The following PLXDC2 variants were observed in gnomAD, a reference collection of about 807,000 sequenced individuals.
PLXDC2 encodes plexin domain containing 2, also known as plexin domain-containing protein 2.
A neutral mutation model predicts 68.9 loss-of-function variants in PLXDC2; 40 were observed. The ratio of observed to expected loss-of-function variants is 0.58; its 90% CI spans 0.45 to 0.76. The LOEUF is 0.76. Ranked by LOEUF, PLXDC2 falls within the 30% of genes least tolerant of loss-of-function variation. The pLI is 0.00. For missense variants in PLXDC2, 644 were observed against 661.9 expected, an observed-to-expected ratio of 0.97 and a Z score of 0.30; for synonymous variants, 243 against 234.2, an observed-to-expected ratio of 1.04 and a Z score of -0.34.
chr10:20,217,944 A>G (rs1835162201), intron 11 of PLXDC2, among the ~76,000 whole-genome samples: 1 of 152,182 alleles, frequency 6.6e-6, no homozygotes, highest in Non-Finnish European at 1.5e-5. Flanking sequence ...GGCAAAATGC[A>G]TATAAAATGT....
Position 19,937,548 on chromosome 10 carries a change from A to G in PLXDC2, c.113-64227A>G, listed in dbSNP as rs1395162437. Among the ~76,000 whole-genome samples the G allele has an allele frequency of 2.3e-3, 125 of 53,690 alleles. 1 individual carries two copies. Among genetic ancestry groups the G allele is most frequent in the Non-Finnish European group, 4.1e-3 (109 of 26,610 alleles). The allele number at this position is 53,690 out of a possible 152,430, so 35.2% of individuals were successfully genotyped here. ...ACATATCACATTATAGTCAATGTAT[A>G]TATATATATATATATATATATATAT... On this transcript the variant is annotated intron_variant, in intron 1 of 13. Transcript: ENST00000377252.
intron 1 of PLXDC2, among the ~76,000 whole-genome samples, chr10:19,931,604 A>G (rs917711183): frequency 2.0e-5 from 3 of 152,120 alleles, no homozygotes; most frequent in Non-Finnish European, 2.9e-5. Context: ...CCTTATGTAT[A>G]TTTGATAGAT....
intron 4 of PLXDC2, among the ~76,000 whole-genome samples, chr10:20,072,491 AAG>A (rs375189105): frequency 2.1e-4 from 12 of 56,328 alleles, no homozygotes; most frequent in East Asian, 5.4e-4. Flanking sequence ...CAAAGAAAGA[AAG>A]AGAAAGAAAG....
chr10:19,993,794 A>T (rs1478165715), intron 1 of PLXDC2, among the ~76,000 whole-genome samples: 2 of 152,140 alleles, frequency 1.3e-5, no homozygotes, highest in African/African-American at 4.8e-5. Context: ...TATATTTTTT[A>T]AATTGCCAAA....
At chr10:19,919,021 G>C (rs560894402) in intron 1 of PLXDC2, among the ~76,000 whole-genome samples, 1 of 152,306 alleles carries the variant, frequency 6.6e-6, no homozygotes, top group East Asian at 1.9e-4. Context: ...GGATGGGTCA[G>C]GGCAGATTGT....
chr10:20,156,813 T>A (rs1472930860), intron 6 of PLXDC2, among the ~76,000 whole-genome samples: 1 of 152,232 alleles, frequency 6.6e-6, no homozygotes, highest in Non-Finnish European at 1.5e-5. Context: ...AAATTGTTAC[T>A]GATACCCTGG....
At chr10:20,032,172 C>T (rs187235224) in intron 2 of PLXDC2, among the ~76,000 whole-genome samples, 3 of 152,044 alleles carry the variant, frequency 2.0e-5, no homozygotes, top group East Asian at 1.9e-4. Context: ...AAAAAAGATC[C>T]GATGATGAAC....
intron 9 of PLXDC2, among the ~76,000 whole-genome samples, chr10:20,182,071 T>TGTGTG (rs1554772998): frequency 0.022 from 3,162 of 146,550 alleles, 51 homozygotes; most frequent in South Asian, 0.071. Flanking sequence ...AACCGGTTAT[T>TGTGTG]TGTGTGTGTG....
At position 19,944,150 on chromosome 10, in the gene PLXDC2, G is replaced by A. The variant is rs372690752; in HGVS notation, c.113-57625G>A. On this transcript the variant is annotated intron_variant, in intron 1 of 13. Coordinates refer to ENST00000377252, the MANE Select transcript of PLXDC2 (RefSeq NM_032812.9). ...TTCCGGTAGGTGCAGAATTTCTCGA[G>A]TTTTCTTGCAGTCTGATGGTAGTAA... is the stretch of plus-strand genomic sequence containing the variant. Among the ~76,000 whole-genome samples, 159 of 152,240 alleles carry A rather than the reference G, an allele frequency of 1.0e-3. 1 individual carries two copies. The highest frequency in any genetic ancestry group is 3.7e-3 in the African/African-American group (154 of 41,546).
chr10:20,204,703 TAA>T (rs1834967057), intron 9 of PLXDC2, among the ~76,000 whole-genome samples: 2 of 152,226 alleles, frequency 1.3e-5, no homozygotes, highest in Admixed American at 1.3e-4. Flanking sequence ...TCTGGTTTTA[TAA>T]AGTTTGACTG....
chr10:20,201,791 A>G (rs925995519), intron 9 of PLXDC2, among the ~76,000 whole-genome samples: 1 of 152,126 alleles, frequency 6.6e-6, no homozygotes, highest in East Asian at 1.9e-4. Context: ...AAGGATATTT[A>G]TGGACATGGG....
At chr10:19,879,704 A>C (rs1263540220) in intron 1 of PLXDC2, among the ~76,000 whole-genome samples, 3 of 152,198 alleles carry the variant, frequency 2.0e-5, no homozygotes, top group Non-Finnish European at 4.4e-5. Context: ...GGTGTGTCCT[A>C]TAGGACAAAT....
chr10:19,894,277 CTT>C (rs1251867489), intron 1 of PLXDC2, among the ~76,000 whole-genome samples: 13 of 143,086 alleles, frequency 9.1e-5, no homozygotes, highest in Admixed American at 2.1e-4. Context: ...TGATGTTTTC[CTT>C]TTTTTTTTTT....
At chr10:19,991,608 C>T (rs948478164) in intron 1 of PLXDC2, among the ~76,000 whole-genome samples, 16 of 152,100 alleles carry the variant, frequency 1.1e-4, no homozygotes, top group African/African-American at 3.9e-4. Context: ...TGGCTGTCGT[C>T]TCTGGTCGTT....
At chr10:20,173,480 G>C (rs1056546720) in intron 7 of PLXDC2, among the ~76,000 whole-genome samples, 5 of 152,184 alleles carry the variant, frequency 3.3e-5, no homozygotes, top group Non-Finnish European at 5.9e-5. Context: ...GATCAAAGAA[G>C]ATTCTTGGTG....
intron 7 of PLXDC2, among the ~76,000 whole-genome samples, chr10:20,173,066 T>C (rs1408670347): frequency 6.6e-6 from 1 of 152,226 alleles, no homozygotes; most frequent in Non-Finnish European, 1.5e-5. Context: ...TTGTAGCCAC[T>C]ATAATAGTGT....
intron 1 of PLXDC2, among the ~76,000 whole-genome samples, chr10:19,887,020 T>A (rs1171610504): frequency 6.6e-6 from 1 of 152,138 alleles, no homozygotes; most frequent in Non-Finnish European, 1.5e-5. Flanking sequence ...GAAAAGAGTT[T>A]TTGACTTCAT....
In PLXDC2 at chr10:20,177,079, A is replaced by T. The variant is rs756459896; in HGVS notation, c.964A>T (p.Met322Leu). 3.8e-5 allele frequency: 61 copies of T among 1,608,044 alleles called. No individual in the cohort carries two copies. The highest frequency in any genetic ancestry group is 2.6e-6 in the Non-Finnish European group (3 of 1,175,442). The change falls in exon 8 of 14, where the codon ATG becomes TTG. Residue 322 changes from methionine (M) to leucine (L), a missense_variant. Around this residue, in one of 3 missense-constraint regions of PLXDC2, gnomAD observed 330 missense variants for 327.9 expected, o/e 1.01. Transcript: ENST00000377252. ...AATTACCAACATTTCGGCTGTGGAGATGACCCCATTACCCAGTAAGCGAAT... is the reference window on the plus strand; with the variant it reads ...AATTACCAACATTTCGGCTGTGGAGTTGACCCCATTACCCAGTAAGCGAAT... ...SKITNISAVE[M>L]TPLPTCLQFN... is the part of the protein sequence containing the mutation.
At chr10:19,888,789 C>G (rs1433839045) in intron 1 of PLXDC2, among the ~76,000 whole-genome samples, 1 of 151,856 alleles carries the variant, frequency 6.6e-6, no homozygotes, top group Non-Finnish European at 1.5e-5. Flanking sequence ...CTGGTAAAAT[C>G]AAGGAAAGCA....
Sources: gnomAD v4.1 joint callset for allele counts (sites outside exome capture counted in the v4.1 genomes callset) on GRCh38, gnomAD v4.1.1 for gene constraint, gnomAD v4.1.1 regional missense constraint, MANE v1.5 for transcripts, NCBI Gene and HGNC (gene_info 2026-07-23, HGNC 2026-07-21) for gene names.